The following PPP2R2B variants were observed in gnomAD, a reference collection of about 807,000 sequenced individuals.
PPP2R2B encodes the protein protein phosphatase 2 regulatory subunit Bbeta, also known as serine/threonine-protein phosphatase 2A 55 kDa regulatory subunit B beta isoform.
PPP2R2B carries 5 observed loss-of-function variants against 46.0 expected under a neutral mutation model. The ratio of observed to expected loss-of-function variants is 0.11; its 90% CI spans 0.06 to 0.23. The LOEUF is 0.23. PPP2R2B is among the 10% of genes least tolerant of loss of function. The probability of loss-of-function intolerance (pLI) is 1.00; values close to 1 mark genes in which losing one functional copy is unlikely to be tolerated. For missense variants in PPP2R2B, 367 were observed against 575.0 expected, an observed-to-expected ratio of 0.64 and a Z score of 3.70; for synonymous variants, 215 against 206.7, an observed-to-expected ratio of 1.04 and a Z score of -0.34.
At position 146,878,727 on chromosome 5, in the gene PPP2R2B, AGCTGCTGCTGCTGCTGCTGCT is replaced by A. The variant is rs10591869; in HGVS notation, c.-282_-262del. On this transcript the variant is annotated 5_prime_UTR_variant, in exon 1 of 10. Coordinates refer to ENST00000394411, the MANE Select transcript of PPP2R2B (RefSeq NM_181675.4). This position sits in a 1 kb window ranked among gnomAD's most constrained non-coding sequence, Gnocchi z 4.5. ...CTCACACCCACACGCGCGCACTCGC[AGCTGCTGCTGCTGCTGCTGCT>A]GCTGCTGCTGCAGGAGGCTGGAGGC... 6 of 1,297,488 alleles carry A rather than the reference AGCTGCTGCTGCTGCTGCTGCT, an allele frequency of 4.6e-6. No homozygotes were observed. The highest frequency in any genetic ancestry group is 3.1e-5 in the African/African-American group (2 of 64,352). The allele number at this position is 1,297,488 out of a possible 1,614,324, so 80.4% of individuals were successfully genotyped here. A position where few individuals can be genotyped will look rare whatever the true frequency, so the allele number is the denominator to read the frequency against.
At chr5:147,081,295 C>A (rs1757961502) in exon 1 of PPP2R2B, 2 of 1,535,514 alleles carry the variant, frequency 1.3e-6, no homozygotes, top group Non-Finnish European at 1.7e-6. Context: ...CTAGTGAGTC[C>A]TGAGAGGACG....
chr5:146,871,278 C>G (rs1761599411), intron 2 of PPP2R2B, among the ~76,000 whole-genome samples: 1 of 152,200 alleles, frequency 6.6e-6, no homozygotes, highest in Non-Finnish European at 1.5e-5. Flanking sequence ...CCACAGCTGC[C>G]TCCGTCATAT....
intron 9 of PPP2R2B, among the ~76,000 whole-genome samples, chr5:146,591,742 TAGAA>T (rs1407119255): frequency 1.3e-5 from 2 of 151,974 alleles, no homozygotes; most frequent in Non-Finnish European, 2.9e-5. Context: ...TGTGATGTTA[TAGAA>T]AGAGTGTTGA....
At chr5:147,030,438 A>T (rs932409225) in intron 1 of PPP2R2B, among the ~76,000 whole-genome samples, 1 of 152,094 alleles carries the variant, frequency 6.6e-6, no homozygotes, top group Non-Finnish European at 1.5e-5. Context: ...TTCTACATGA[A>T]GCTTGCTGAG....
intron 2 of PPP2R2B, among the ~76,000 whole-genome samples, chr5:147,078,892 T>C (rs911993773): frequency 7.9e-5 from 12 of 152,050 alleles, no homozygotes; most frequent in African/African-American, 2.9e-4. Flanking sequence ...GTCTCTATTG[T>C]TTAAAAAGTT....
intron 7 of PPP2R2B, among the ~76,000 whole-genome samples, chr5:146,603,539 C>A (rs141502968): frequency 6.6e-6 from 1 of 152,110 alleles, no homozygotes; most frequent in Middle Eastern, 3.2e-3. Flanking sequence ...TGTGGAGTGC[C>A]GGCTTTAGGT....
intron 2 of PPP2R2B, among the ~76,000 whole-genome samples, chr5:146,826,091 C>T (rs1193674187): frequency 6.6e-6 from 1 of 152,162 alleles, no homozygotes; most frequent in Admixed American, 6.5e-5. Flanking sequence ...CCCAAAGTCT[C>T]AGTCATCTCT....
Position 146,878,021 on chromosome 5 carries a change from G to A in PPP2R2B, c.51C>T (p.Asp17=). The change falls in exon 2 of 10, where the codon GAC becomes GAT. Residue 17 remains aspartate (D), a synonymous_variant. Transcript: ENST00000394411. This position sits in a 1 kb window ranked among gnomAD's most constrained non-coding sequence, Gnocchi z 4.5. ...TRKINNSFLR[D]HSYATEADII... ...CGTTACCTTCGGTCGCATAGCTGTG[G>A]TCGCGCAGGAAACTGTTGTTGATTT... 2 of 1,614,050 alleles carry A rather than the reference G, an allele frequency of 1.2e-6. No individual in the cohort carries two copies. Among genetic ancestry groups the A allele is most frequent in the Non-Finnish European group, 1.7e-6 (2 of 1,179,958 alleles).
intron 2 of PPP2R2B, among the ~76,000 whole-genome samples, chr5:146,873,660 G>A (rs1295757308): frequency 6.6e-6 from 1 of 152,126 alleles, no homozygotes; most frequent in Non-Finnish European, 1.5e-5. Context: ...TCACCAGACT[G>A]GAGTGCGGTG....
intron 6 of PPP2R2B, among the ~76,000 whole-genome samples, chr5:146,643,313 T>G (rs1467681467): frequency 6.6e-6 from 1 of 152,034 alleles, no homozygotes; most frequent in Non-Finnish European, 1.5e-5. Flanking sequence ...GGAGATACAG[T>G]AGTGACCAAA....
At chr5:146,642,714 T>C (rs1775298774) in intron 6 of PPP2R2B, among the ~76,000 whole-genome samples, 1 of 152,200 alleles carries the variant, frequency 6.6e-6, no homozygotes, top group Non-Finnish European at 1.5e-5. Context: ...ATTTCAATGA[T>C]CAGCACAATT....
intron 2 of PPP2R2B, among the ~76,000 whole-genome samples, chr5:146,859,040 C>G (rs1199308546): frequency 2.0e-5 from 3 of 152,160 alleles, no homozygotes; most frequent in Non-Finnish European, 2.9e-5. Flanking sequence ...AAGATTTCAT[C>G]TAGTTGGGAG....
intron 1 of PPP2R2B, among the ~76,000 whole-genome samples, chr5:146,958,188 G>T (rs565018109): frequency 6.6e-6 from 1 of 152,144 alleles, no homozygotes; most frequent in African/African-American, 2.4e-5. Context: ...CAGATTCCAG[G>T]CACCATCTAT....
intron 2 of PPP2R2B, among the ~76,000 whole-genome samples, chr5:146,733,953 T>C (rs1400646475): frequency 1.3e-5 from 2 of 152,114 alleles, no homozygotes; most frequent in African/African-American, 2.4e-5. Flanking sequence ...GTAATAGTAG[T>C]GGTAGTAATA....
chr5:146,926,007 T>C (rs1235060598), intron 1 of PPP2R2B, among the ~76,000 whole-genome samples: 1 of 152,084 alleles, frequency 6.6e-6, no homozygotes, highest in African/African-American at 2.4e-5. Context: ...TCAATATCCT[T>C]ATTAAGAATC....
intron 2 of PPP2R2B, among the ~76,000 whole-genome samples, chr5:147,073,089 T>C (rs1423971920): frequency 6.6e-6 from 1 of 152,230 alleles, no homozygotes; most frequent in East Asian, 1.9e-4. Context: ...GTTTTGTCCA[T>C]GACTGGCCTC....
intron 2 of PPP2R2B, among the ~76,000 whole-genome samples, chr5:146,742,668 T>C (rs1752948183): frequency 1.3e-5 from 2 of 152,302 alleles, no homozygotes; most frequent in South Asian, 4.1e-4. Context: ...TGGGTTGAAT[T>C]GTGCCCTCCC....
At chr5:147,071,757 T>C (rs1046153519) in intron 2 of PPP2R2B, among the ~76,000 whole-genome samples, 1 of 152,234 alleles carries the variant, frequency 6.6e-6, no homozygotes. Flanking sequence ...TTTTCTTACA[T>C]TGATAGCCTC....
intron 2 of PPP2R2B, among the ~76,000 whole-genome samples, chr5:146,839,434 C>T (rs999413546): frequency 7.2e-5 from 11 of 152,234 alleles, no homozygotes; most frequent in African/African-American, 1.4e-4. Context: ...GCAGGAGAAT[C>T]GCTTGAGCCT....
Sources: gnomAD v4.1 joint callset for allele counts (sites outside exome capture counted in the v4.1 genomes callset) on GRCh38, gnomAD v4.1.1 for gene constraint, Gnocchi (gnomAD v3.1) non-coding constraint, MANE v1.5 for transcripts, NCBI Gene and HGNC (gene_info 2026-07-23, HGNC 2026-07-21) for gene names.